Variants in MAN2B1 observed in about 807,000 individuals in gnomAD.
MAN2B1 encodes the protein lysosomal alpha-mannosidase.
A neutral mutation model predicts 127.5 loss-of-function variants in MAN2B1; 99 were observed. The observed-to-expected ratio is 0.78, with a 90% confidence interval of 0.66 to 0.92. The LOEUF is 0.92. Ranked by LOEUF, MAN2B1 falls within the 40% of genes least tolerant of loss-of-function variation. The pLI, the probability that MAN2B1 is intolerant of heterozygous loss-of-function variation, is 0.00. For missense variants in MAN2B1, 1,304 were observed against 1,384.8 expected (o/e 0.94, Z 0.93); for synonymous variants, 573 against 568.8 (o/e 1.01, Z -0.11).
intron 6 of MAN2B1, 29 bp downstream of exon 6, chr19:12,663,288 G>A (rs370129661): frequency 5.6e-6 from 9 of 1,613,540 alleles, no homozygotes; most frequent in Non-Finnish European, 7.6e-6. Flanking sequence ...GTATATACCG[G>A]ACTCGAAGGT....
intron 13 of MAN2B1, chr19:12,656,237 T>G: frequency 4.6e-6 from 2 of 433,648 alleles, no homozygotes; most frequent in Non-Finnish European, 4.2e-6. Context: ...AGCGGGGTAT[T>G]AAAATGGAGG....
chr19:12,663,532 TC>T, intron 5 of MAN2B1, 70 bp from the exon 6 acceptor site: 1 of 1,597,978 alleles, frequency 6.3e-7, no homozygotes, highest in Middle Eastern at 1.7e-4. Flanking sequence ...GCCGGCCATG[TC>T]CCACCCAGGA....
At chr19:12,657,313 C>T (rs1358807862) in intron 11 of MAN2B1, 133 bp downstream of exon 11, 3 of 827,962 alleles carry the variant, frequency 3.6e-6, no homozygotes, top group East Asian at 2.7e-5. Flanking sequence ...CAAGCCCCGC[C>T]CCCACGAGCC....
rs1035913927 is a variant in MAN2B1 at position 12,650,218 on chromosome 19, G to A, written c.2051C>T (p.Pro684Leu). Residue 684 changes from proline to leucine, a missense_variant, in exon 17 of 24, where the codon CCC becomes CTC. By Grantham distance (98) the Pro-to-Leu change is moderately conservative. Transcript: ENST00000456935. ...RWAQIHLVKT[P>L]LVQEVHQNFS... ...GTTCTGGTGCACCTCCTGCACCAAG[G>A]GTGTCTGCGGGCACACGGGTGAGGT... 1 of 1,603,440 alleles carries A rather than the reference G, an allele frequency of 6.2e-7. No homozygotes were observed. Among genetic ancestry groups the A allele is most frequent in the Non-Finnish European group, 8.5e-7 (1 of 1,170,804 alleles).
Position 12,658,108 on chromosome 19 carries a change from C to T in MAN2B1, c.1264G>A (p.Ala422Thr). The T allele has an allele frequency of 6.2e-7, 1 of 1,613,464 alleles. No homozygotes were observed. The highest frequency in any genetic ancestry group is 8.5e-7 in the Non-Finnish European group (1 of 1,179,982). The change falls in exon 10 of 24, where the codon GCG (alanine) becomes ACG (threonine). Residue 422 changes from alanine to threonine, a missense_variant. Physicochemically the swap from Ala to Thr is moderately conservative, Grantham distance 58. Coordinates refer to ENST00000456935, the MANE Select transcript of MAN2B1 (RefSeq NM_000528.4). ...CNQLEALVGL[A>T]ANVGPYGSGD... Reference sequence around the variant, plus strand: ...GAGCCATAGGGTCCCACGTTGGCCGCCAGGCCCACCAGCGCCTCCAGCTGG... The same window carrying T: ...GAGCCATAGGGTCCCACGTTGGCCGTCAGGCCCACCAGCGCCTCCAGCTGG...
intron 7 of MAN2B1, among the ~76,000 whole-genome samples, chr19:12,660,043 G>T (rs2024065958): frequency 6.6e-6 from 1 of 152,098 alleles, no homozygotes; most frequent in African/African-American, 2.4e-5. Flanking sequence ...CACAGCCACA[G>T]CCACAGGCCA....
chr19:12,657,046 C>T lies in MAN2B1; in HGVS notation c.1430G>A (p.Ser477Asn). The change falls in exon 12 of 24, where the codon AGC (serine) becomes AAC (asparagine). Residue 477 changes from serine (S) to asparagine (N), a missense_variant. Coordinates refer to ENST00000456935, the MANE Select transcript of MAN2B1 (RefSeq NM_000528.4). ...AGWGPCEVLL[S>N]NALARLRGFK... ...GCCTCTGAGCCGCGCCAGCGCGTTGCTCAGAAGAACCTGCGGAAGAGCGCA... is the reference window on the plus strand; with the variant it reads ...GCCTCTGAGCCGCGCCAGCGCGTTGTTCAGAAGAACCTGCGGAAGAGCGCA... 1 of 1,608,436 alleles carries T rather than the reference C, an allele frequency of 6.2e-7. No individual in the cohort carries two copies. Among genetic ancestry groups the T allele is most frequent in the Middle Eastern group, 1.6e-4 (1 of 6,062 alleles).
Position 12,655,745 on chromosome 19 carries a change from TG to T in MAN2B1, c.1778del (p.Pro593HisfsTer13). 1 of 1,609,326 alleles carries T rather than the reference TG, an allele frequency of 6.2e-7. No homozygotes were observed. The highest frequency in any genetic ancestry group is 8.5e-7 in the Non-Finnish European group (1 of 1,176,442). On this transcript the variant is annotated frameshift_variant, in exon 14 of 24. Transcript: ENST00000456935. LOFTEE classifies it high-confidence loss of function. ...ACCAGGATCTTCTGGGGATGGGCTG[TG>T]GTGCGCGGGCCTGGGGCTTCCAGCG... is the stretch of plus-strand genomic sequence containing the variant. ...VPRWKPQARA[P>X]QPIPRRSWSP...
intron 4 of MAN2B1, 23 bp downstream of exon 4, chr19:12,664,769 C>A (rs1041959372): frequency 6.2e-7 from 1 of 1,606,840 alleles, no homozygotes; most frequent in Non-Finnish European, 8.5e-7. Context: ...AGAAGTGGGC[C>A]CAAGAGAGGT....
chr19:12,647,471 A>C lies in MAN2B1; in HGVS notation c.2792T>G (p.Leu931Arg), dbSNP rs1416632414. 6.2e-7 allele frequency: 1 copy of C among 1,614,224 alleles called. No individual in the cohort carries two copies. The highest frequency in any genetic ancestry group is 1.1e-5 in the South Asian group (1 of 91,084). The stretch of plus-strand genomic sequence containing the variant: ...CAAGTTCAAGGTAACGGGGGCGCTC[A>C]GGTTACGTCCGGAATCCTCTCCTAC... ...FAVGEDSGRN[L>R]SAPVTLNLRD... Residue 931 changes from leucine (L) to arginine (R), a missense_variant, in exon 22 of 24, where the codon CTG becomes CGG. By Grantham distance (102) the Leu-to-Arg change is moderately radical (BLOSUM62 -2). Coordinates refer to ENST00000456935, the MANE Select transcript of MAN2B1 (RefSeq NM_000528.4). This position sits in a 1 kb window ranked among gnomAD's most constrained non-coding sequence, Gnocchi z 4.9.
intron 6 of MAN2B1, 43 bp from the exon 7 acceptor site, chr19:12,661,419 C>T: frequency 7.8e-7 from 1 of 1,289,188 alleles, no homozygotes; most frequent in African/African-American, 1.5e-5. Context: ...GATCCTGGGC[C>T]ATCCCTGTGT....
chr19:12,665,644 C>T, intron 2 of MAN2B1, 59 bp downstream of exon 2: 1 of 1,588,802 alleles, frequency 6.3e-7, no homozygotes, highest in Non-Finnish European at 8.6e-7. Flanking sequence ...ATGTCCAGGA[C>T]CCAGAGGGAT....
chr19:12,651,001 G>A (rs2145236505), intron 16 of MAN2B1, among the ~76,000 whole-genome samples: 2 of 146,772 alleles, frequency 1.4e-5, no homozygotes, highest in South Asian at 4.3e-4. Context: ...TTGAGACAGG[G>A]CATCACTATG....
Position 12,657,732 on chromosome 19 carries a change from G to T in MAN2B1, c.1310-177C>A, listed in dbSNP as rs1262795006. 26 of 664,982 alleles carry T rather than the reference G, an allele frequency of 3.9e-5. No individual in the cohort carries two copies. The East Asian group carries it at 7.1e-4, about 18-fold the overall frequency. 41.2% of individuals were successfully genotyped at this position (664,982 alleles called of 1,614,324 possible). A position where few individuals can be genotyped will look rare whatever the true frequency, so the allele number is the denominator to read the frequency against. On this transcript the variant is annotated intron_variant, in intron 10 of 23. Coordinates refer to ENST00000456935, the MANE Select transcript of MAN2B1 (RefSeq NM_000528.4). ...CCAGCACTTTGAGAGACCGAGGCGG[G>T]CGGATCACGAGGTCAGATCGAGACC... is the stretch of plus-strand genomic sequence containing the variant.
intron 18 of MAN2B1, 29 bp downstream of exon 18, chr19:12,649,884 C>G (rs377717440): frequency 1.3e-6 from 2 of 1,572,488 alleles, no homozygotes; most frequent in Non-Finnish European, 1.7e-6. Context: ...CCACAGACCA[C>G]CCCCTCAGTG....
In MAN2B1 at chr19:12,664,795, C is replaced by T. The variant is rs757793580; in HGVS notation, c.627G>A (p.Ala209=). ...GHSREQASLF[A]QMGFDGFFFG... Reference sequence around the variant, plus strand: ...CAAGAGAGGTCCCGGGTCGCACCTGCGCAAACAGCGAGGCCTGCTCCCGAG... The same window carrying T: ...CAAGAGAGGTCCCGGGTCGCACCTGTGCAAACAGCGAGGCCTGCTCCCGAG... Residue 209 remains alanine, a synonymous_variant, in exon 4 of 24, where the codon GCG becomes GCA. Transcript: ENST00000456935. 1.9e-6 allele frequency: 3 copies of T among 1,612,840 alleles called. No individual in the cohort carries two copies. Among genetic ancestry groups the T allele is most frequent in the South Asian group, 1.1e-5 (1 of 90,914 alleles).
At chr19:12,662,804 G>A (rs2024138258) in intron 6 of MAN2B1, among the ~76,000 whole-genome samples, 2 of 151,302 alleles carry the variant, frequency 1.3e-5, no homozygotes, top group South Asian at 4.2e-4. Flanking sequence ...TGGGTGTGGT[G>A]GCAGGTGCCT....
At chr19:12,652,980 C>T (rs1356983810) in intron 14 of MAN2B1, among the ~76,000 whole-genome samples, 3 of 151,660 alleles carry the variant, frequency 2.0e-5, no homozygotes, top group Non-Finnish European at 2.9e-5. Flanking sequence ...ATTACAGGCA[C>T]ATGCCACCAT....
Position 12,665,500 on chromosome 19 carries a change from A to G in MAN2B1, c.288T>C (p.Gly96=). 1 of 1,614,192 alleles carries G rather than the reference A, an allele frequency of 6.2e-7. No individual in the cohort carries two copies. The highest frequency in any genetic ancestry group is 2.2e-5 in the East Asian group (1 of 44,880). The change falls in exon 3 of 24, where the codon GGT becomes GGC. Residue 96 remains glycine (G), a synonymous_variant. Coordinates refer to ENST00000456935, the MANE Select transcript of MAN2B1 (RefSeq NM_000528.4). ...TGACCGAGTCCAGGATGTACTGCAC[A>G]CCGGCGTGCTGGATGTCATTCTTGA... is the stretch of plus-strand genomic sequence containing the variant. ...YGIKNDIQHA[G]VQYILDSVIS... is the part of the protein sequence containing the mutation.
Sources: allele counts gnomAD v4.1 joint callset (sites outside exome capture counted in the v4.1 genomes callset), GRCh38; gene constraint gnomAD v4.1.1; non-coding constraint Gnocchi (gnomAD v3.1); transcripts MANE v1.5; gene names NCBI Gene and HGNC (gene_info 2026-07-23, HGNC 2026-07-21).